The following HDAC9 variants were observed in gnomAD, a reference collection of about 807,000 sequenced individuals.
HDAC9 encodes MEF-2 interacting transcription repressor (MITR) protein.
HDAC9 carries 41 observed loss-of-function variants against 139.4 expected under a neutral mutation model. That is an observed-to-expected ratio of 0.29 (90% CI 0.23 to 0.38). HDAC9 has a LOEUF of 0.38. Ranked by LOEUF, HDAC9 falls within the 10% of genes least tolerant of loss-of-function variation. The pLI is 1.00. For synonymous variants in HDAC9, 517 were observed against 476.2 expected, an observed-to-expected ratio of 1.09 and a Z score of -1.12; for missense variants, 1,147 against 1,297.0, an observed-to-expected ratio of 0.88 and a Z score of 1.78.
At chr7:18,830,677 G>T (rs1795797929) in intron 19 of HDAC9, among the ~76,000 whole-genome samples, 1 of 152,278 alleles carries the variant, frequency 6.6e-6, no homozygotes, top group South Asian at 2.1e-4. Flanking sequence ...GTGCTTCGTT[G>T]CAATGGGTAT....
intron 21 of HDAC9, 88 bp from the exon 22 acceptor site, chr7:18,874,390 C>T: frequency 2.9e-6 from 2 of 683,568 alleles, no homozygotes; most frequent in East Asian, 2.7e-5. Context: ...TGGGAGGTTC[C>T]TATTGTTGTG....
intron 2 of HDAC9, among the ~76,000 whole-genome samples, chr7:18,497,853 G>A (rs1392004436): frequency 1.3e-5 from 2 of 152,040 alleles, no homozygotes; most frequent in Non-Finnish European, 2.9e-5. Context: ...TGCCTTCCAA[G>A]TAGCAAGTGT....
intron 1 of HDAC9, among the ~76,000 whole-genome samples, chr7:18,407,767 C>A (rs958583709): frequency 2.6e-5 from 4 of 152,146 alleles, no homozygotes; most frequent in African/African-American, 7.2e-5. Flanking sequence ...CTCCGGAGAC[C>A]ATTAAGGAAA....
chr7:18,549,398 T>G (rs1197517993), intron 2 of HDAC9, among the ~76,000 whole-genome samples: 1 of 152,176 alleles, frequency 6.6e-6, no homozygotes, highest in Non-Finnish European at 1.5e-5. Context: ...CAATAAACAT[T>G]CACAGTGTCC....
chr7:18,515,437 C>T (rs917063903), intron 2 of HDAC9, among the ~76,000 whole-genome samples: 1 of 152,142 alleles, frequency 6.6e-6, no homozygotes, highest in African/African-American at 2.4e-5. Context: ...ATTTCTAACT[C>T]CTACAGCGTT....
chr7:18,821,467 G>C lies in HDAC9; in HGVS notation c.2323-7694G>C, dbSNP rs183728316. Among the ~76,000 whole-genome samples, 3 of 152,302 alleles carry C rather than the reference G, an allele frequency of 2.0e-5. No individual in the cohort carries two copies. The East Asian group carries it at 5.8e-4, about 29-fold the overall frequency. On this transcript the variant is annotated intron_variant, in intron 17 of 25. Coordinates refer to ENST00000686413, the MANE Select transcript of HDAC9 (RefSeq NM_178425.4). ...ACTAGGAGCATAGGCAGAGCCTTGT[G>C]GCTGCAGGAACCAAAAGGCCAGTGT...
intron 2 of HDAC9, among the ~76,000 whole-genome samples, chr7:18,191,782 A>T (rs1562730006): frequency 6.6e-6 from 1 of 152,220 alleles, no homozygotes; most frequent in Admixed American, 6.6e-5. Context: ...TTTACATTTT[A>T]TAAACTATAA....
At chr7:18,719,065 G>A (rs965853706) in intron 12 of HDAC9, among the ~76,000 whole-genome samples, 12 of 152,152 alleles carry the variant, frequency 7.9e-5, no homozygotes, top group African/African-American at 2.7e-4. Flanking sequence ...TTAGACAAAT[G>A]TCTGTTCAGA....
At chr7:18,333,770 G>A (rs1425076339) in intron 1 of HDAC9, among the ~76,000 whole-genome samples, 1 of 151,194 alleles carries the variant, frequency 6.6e-6, no homozygotes, top group Non-Finnish European at 1.5e-5. Context: ...AGGAGAATGA[G>A]GTATGATAAA....
intron 1 of HDAC9, among the ~76,000 whole-genome samples, chr7:18,308,711 A>T (rs537704677): frequency 1.3e-5 from 2 of 152,038 alleles, no homozygotes; most frequent in Non-Finnish European, 2.9e-5. Context: ...ATATATATAT[A>T]TGTGTGTACG....
chr7:18,716,219 CATTGTA>C (rs1024486943), intron 12 of HDAC9, among the ~76,000 whole-genome samples: 4 of 152,138 alleles, frequency 2.6e-5, no homozygotes, highest in African/African-American at 9.7e-5. Flanking sequence ...TAATCTAGGC[CATTGTA>C]CAATTTCATC....
At chr7:18,545,631 T>C (rs1307078711) in intron 2 of HDAC9, among the ~76,000 whole-genome samples, 2 of 152,324 alleles carry the variant, frequency 1.3e-5, no homozygotes, top group South Asian at 2.1e-4. Flanking sequence ...ATTAGTACTT[T>C]ATATCTGCAG....
intron 6 of HDAC9, among the ~76,000 whole-genome samples, chr7:18,594,374 C>T (rs955065357): frequency 3.4e-4 from 51 of 151,944 alleles, no homozygotes; most frequent in African/African-American, 1.2e-3. Flanking sequence ...CTTTCATTGT[C>T]CTGTTTTTCT....
chr7:18,192,059 C>G (rs1360927427), intron 2 of HDAC9, among the ~76,000 whole-genome samples: 1 of 152,178 alleles, frequency 6.6e-6, no homozygotes, highest in African/African-American at 2.4e-5. Flanking sequence ...CAAAAGTCAA[C>G]TCATTTTTCA....
intron 1 of HDAC9, among the ~76,000 whole-genome samples, chr7:18,457,401 A>G (rs1456234526): frequency 6.6e-6 from 1 of 152,226 alleles, no homozygotes; most frequent in Non-Finnish European, 1.5e-5. Context: ...TTCAGTGAAT[A>G]TATTTGTGAA....
intron 12 of HDAC9, among the ~76,000 whole-genome samples, chr7:18,709,760 G>C (rs1355961559): frequency 2.0e-5 from 3 of 152,112 alleles, no homozygotes; most frequent in Non-Finnish European, 4.4e-5. Flanking sequence ...GCCCTGTGTT[G>C]TCCTGGCCTC....
chr7:18,311,477 G>A (rs1173534719), intron 1 of HDAC9, among the ~76,000 whole-genome samples: 2 of 151,950 alleles, frequency 1.3e-5, no homozygotes, highest in African/African-American at 4.8e-5. Flanking sequence ...CACATTAATA[G>A]TCACAGCCTG....
intron 2 of HDAC9, among the ~76,000 whole-genome samples, chr7:18,540,329 G>C (rs1055428085): frequency 6.7e-6 from 1 of 149,044 alleles, no homozygotes; most frequent in Admixed American, 6.7e-5. Context: ...GTGTAAAATT[G>C]CTGCCTTCTT....
intron 2 of HDAC9, 65 bp from the exon 3 acceptor site, chr7:18,585,216 T>C: frequency 6.5e-7 from 1 of 1,548,712 alleles, no homozygotes; most frequent in Non-Finnish European, 8.8e-7. Flanking sequence ...TCCAAATCAA[T>C]GTGCTAATTT....
Sources: gnomAD v4.1 joint callset for allele counts (sites outside exome capture counted in the v4.1 genomes callset) on GRCh38, gnomAD v4.1.1 for gene constraint, MANE v1.5 for transcripts, NCBI Gene and HGNC (gene_info 2026-07-23, HGNC 2026-07-21) for gene names.